The following AKR1E2 variants were observed in gnomAD, a reference collection of about 807,000 sequenced individuals.
AKR1E2 encodes aldo-keto reductase family 1 member E2.
Under a neutral mutation model 41.9 loss-of-function variants are expected in AKR1E2, and 43 were observed. That is an observed-to-expected ratio of 1.03 (90% CI 0.80 to 1.32). AKR1E2 has a LOEUF of 1.32. Among genes scored for constraint, AKR1E2 ranks in the 40% most tolerant of loss-of-function variants. The pLI, the probability that AKR1E2 is intolerant of heterozygous loss-of-function variation, is 0.00. For missense variants in AKR1E2, 423 were observed against 396.5 expected, an observed-to-expected ratio of 1.07 and a Z score of -0.57; for synonymous variants, 121 against 138.9, an observed-to-expected ratio of 0.87 and a Z score of 0.91.
intron 1 of AKR1E2, among the ~76,000 whole-genome samples, chr10:4,829,589 T>C (rs1195291338): frequency 6.6e-6 from 1 of 151,742 alleles, no homozygotes; most frequent in Non-Finnish European, 1.5e-5. Context: ...GGTGGTTTTC[T>C]CTTTTTTTTG....
At position 4,843,459 on chromosome 10, in the gene AKR1E2, A is replaced by G. The variant is rs1163827192; in HGVS notation, c.837+955A>G. ...CCACACCCATTGATCATGTCAGCAT[A>G]GGTGTGTGTGATCCTGGGGCCAGCT... On this transcript the variant is annotated intron_variant, in intron 8 of 9. Transcript: ENST00000298375. Among the ~76,000 whole-genome samples, 3 of 152,158 alleles carry G rather than the reference A, an allele frequency of 2.0e-5. No homozygotes were observed. In the East Asian group the frequency reaches 5.8e-4, roughly 29 times the overall value.
At chr10:4,860,003 C>T in the AKR1E2 span, among the ~76,000 whole-genome samples, 1 of 152,192 alleles carries the variant, frequency 6.6e-6, no homozygotes, top group Non-Finnish European at 1.5e-5. Flanking sequence ...GCTCCTGAGG[C>T]AGGGCCCTTG....
At chr10:4,832,132 G>GATC (rs1564257428) in intron 2 of AKR1E2, among the ~76,000 whole-genome samples, 1 of 152,082 alleles carries the variant, frequency 6.6e-6, no homozygotes, top group Non-Finnish European at 1.5e-5. Context: ...AAGACCATGA[G>GATC]ATCAGGAGTC....
At chr10:4,847,008 A>C in intron 8 of AKR1E2, 140 bp from the exon 9 acceptor site, 2 of 863,302 alleles carry the variant, frequency 2.3e-6, no homozygotes, top group Non-Finnish European at 3.5e-6. Context: ...TGATTCAGGG[A>C]AGTTCCAAGT....
chr10:4,866,710 G>A, the AKR1E2 span, among the ~76,000 whole-genome samples: 1 of 143,570 alleles, frequency 7.0e-6, no homozygotes, highest in Non-Finnish European at 1.5e-5. Context: ...GCGCCATCTC[G>A]GCTCACTGCA....
chr10:4,867,558 CTGGCA>C, the AKR1E2 span, among the ~76,000 whole-genome samples: 2 of 152,324 alleles, frequency 1.3e-5, no homozygotes, highest in African/African-American at 4.8e-5. Flanking sequence ...CTTTTTTGGA[CTGGCA>C]TTCCTCTGTC....
At chr10:4,842,223 G>T (rs1265133984) in intron 7 of AKR1E2, among the ~76,000 whole-genome samples, 198 bp from the exon 8 acceptor site, 2 of 152,208 alleles carry the variant, frequency 1.3e-5, no homozygotes, top group Non-Finnish European at 2.9e-5. Flanking sequence ...TCATTAAGCA[G>T]ATTCTCTGAT....
At chr10:4,855,954 C>A in the AKR1E2 span, among the ~76,000 whole-genome samples, 1 of 152,184 alleles carries the variant, frequency 6.6e-6, no homozygotes, top group Admixed American at 6.5e-5. Context: ...TGCCCCCTAG[C>A]TGTGCAGGAA....
At chr10:4,840,467 C>T (rs907876843) in intron 6 of AKR1E2, among the ~76,000 whole-genome samples, 3 of 152,210 alleles carry the variant, frequency 2.0e-5, no homozygotes, top group African/African-American at 7.2e-5. Context: ...CATTCCAATC[C>T]ATTGCTCCCA....
chr10:4,840,521 A>G (rs113823713), intron 6 of AKR1E2, among the ~76,000 whole-genome samples: 2,294 of 152,056 alleles, frequency 0.015, 54 homozygotes, highest in African/African-American at 0.053. Flanking sequence ...CTATGATCCT[A>G]TCACTTTCCT....
chr10:4,848,359 G>T (rs1408747559), downstream of AKR1E2, among the ~76,000 whole-genome samples: 1 of 152,276 alleles, frequency 6.6e-6, no homozygotes, highest in Non-Finnish European at 1.5e-5. Flanking sequence ...AGGAGGCCCT[G>T]CAGAGCATGG....
the AKR1E2 span, among the ~76,000 whole-genome samples, chr10:4,857,687 A>G: frequency 6.6e-6 from 1 of 152,222 alleles, no homozygotes; most frequent in Non-Finnish European, 1.5e-5. Flanking sequence ...AAAAATAAAA[A>G]TAAAAATTTT....
chr10:4,846,530 G>A (rs550063777), intron 8 of AKR1E2, among the ~76,000 whole-genome samples: 84 of 151,940 alleles, frequency 5.5e-4, no homozygotes, highest in African/African-American at 1.9e-3. Flanking sequence ...AGAGTCAGTG[G>A]GAAAAATTCT....
At chr10:4,827,906 C>G (rs1461854370) in intron 1 of AKR1E2, among the ~76,000 whole-genome samples, 2 of 152,112 alleles carry the variant, frequency 1.3e-5, no homozygotes, top group Non-Finnish European at 2.9e-5. Flanking sequence ...TCCAGACTTT[C>G]GTGCACACAG....
At chr10:4,857,946 A>G in the AKR1E2 span, among the ~76,000 whole-genome samples, 39,261 of 151,804 alleles carry the variant, frequency 0.26, 5,257 homozygotes, top group Middle Eastern at 0.37. Context: ...TCATTGTTTC[A>G]TTGTTGTTTA....
intron 1 of AKR1E2, 73 bp from the exon 2 acceptor site, chr10:4,830,602 C>A: frequency 1.3e-6 from 2 of 1,560,806 alleles, no homozygotes; most frequent in Non-Finnish European, 1.8e-6. Context: ...TGTCCACATG[C>A]TTGGGTGAAA....
the AKR1E2 span, among the ~76,000 whole-genome samples, chr10:4,864,982 A>G: frequency 1.3e-5 from 2 of 152,212 alleles, no homozygotes; most frequent in Non-Finnish European, 2.9e-5. Context: ...CAAAATCCCA[A>G]TTTGAATAAA....
intron 3 of AKR1E2, among the ~76,000 whole-genome samples, chr10:4,834,390 C>T (rs532246798): frequency 6.6e-6 from 1 of 152,328 alleles, no homozygotes; most frequent in Non-Finnish European, 1.5e-5. Flanking sequence ...CCGTTAGTGA[C>T]ACTGACTAAG....
the AKR1E2 span, among the ~76,000 whole-genome samples, chr10:4,868,141 A>G: frequency 7.9e-5 from 12 of 152,168 alleles, no homozygotes; most frequent in Non-Finnish European, 1.5e-4. Flanking sequence ...ATTCTCCACT[A>G]TCAAAGACTA....
Sources: gnomAD v4.1 joint callset for allele counts (sites outside exome capture counted in the v4.1 genomes callset) on GRCh38, gnomAD v4.1.1 for gene constraint, MANE v1.5 for transcripts, NCBI Gene and HGNC (gene_info 2026-07-23, HGNC 2026-07-21) for gene names.